PARD3B: variants seen among roughly 807,000 people sequenced by gnomAD.
PARD3B encodes par-3 family cell polarity regulator beta, also known as partitioning defective 3 homolog B.
Under a neutral mutation model 130.2 loss-of-function variants are expected in PARD3B, and 103 were observed. The observed-to-expected ratio is 0.79, with a 90% CI of 0.67 to 0.93. The LOEUF (loss-of-function observed/expected upper bound fraction) is 0.93. PARD3B is among the 40% of genes least tolerant of loss of function. The probability of loss-of-function intolerance (pLI) is 0.00; values close to 1 mark genes in which losing one functional copy is unlikely to be tolerated. For missense variants in PARD3B, 1,609 were observed against 1,499.2 expected (o/e 1.07, Z -1.21); for synonymous variants, 583 against 553.2 (o/e 1.05, Z -0.76).
At chr2:205,079,010 A>G (rs1300902735) in intron 4 of PARD3B, among the ~76,000 whole-genome samples, 3 of 152,202 alleles carry the variant, frequency 2.0e-5, no homozygotes, top group Admixed American at 6.5e-5. Context: ...GCCTTGTGAG[A>G]GACCCCAAGC....
chr2:204,680,064 T>C (rs1308028949), intron 1 of PARD3B, among the ~76,000 whole-genome samples: 1 of 152,102 alleles, frequency 6.6e-6, no homozygotes, highest in Non-Finnish European at 1.5e-5. Flanking sequence ...ATCAAATTTA[T>C]GCTATCTTTT....
chr2:205,259,492 T>A (rs2040218635), intron 16 of PARD3B, among the ~76,000 whole-genome samples: 1 of 152,144 alleles, frequency 6.6e-6, no homozygotes, highest in South Asian at 2.1e-4. Flanking sequence ...ACTCTTAAAT[T>A]CTCTTTGTCC....
At chr2:205,348,128 T>G (rs528711295) in intron 18 of PARD3B, 1 of 151,806 alleles carries the variant, frequency 6.6e-6, no homozygotes, top group Admixed American at 6.5e-5. Context: ...CTCAGAAGAG[T>G]GTGGACTCAA....
chr2:205,163,709 C>T (rs2034638664), intron 11 of PARD3B, among the ~76,000 whole-genome samples: 1 of 152,332 alleles, frequency 6.6e-6, no homozygotes, highest in East Asian at 1.9e-4. Context: ...ATCCAAACTA[C>T]TTAACTCCAG....
chr2:205,451,382 C>G (rs1239120525), intron 20 of PARD3B, among the ~76,000 whole-genome samples: 2 of 152,138 alleles, frequency 1.3e-5, no homozygotes, highest in African/African-American at 4.8e-5. Flanking sequence ...AATAGAATTT[C>G]AACTTTCCAG....
At chr2:204,658,089 T>C (rs1023165165) in intron 1 of PARD3B, among the ~76,000 whole-genome samples, 2 of 152,208 alleles carry the variant, frequency 1.3e-5, no homozygotes, top group African/African-American at 4.8e-5. Flanking sequence ...GGCTCTACTA[T>C]GGCAGATAAT....
intron 14 of PARD3B, among the ~76,000 whole-genome samples, chr2:205,188,484 A>G (rs1329977527): frequency 2.0e-5 from 3 of 152,224 alleles, no homozygotes; most frequent in Non-Finnish European, 4.4e-5. Context: ...AGAAGCCGCC[A>G]TAGACAAGGA....
intron 2 of PARD3B, among the ~76,000 whole-genome samples, chr2:204,919,442 T>C (rs924414605): frequency 2.0e-5 from 3 of 152,196 alleles, no homozygotes; most frequent in African/African-American, 7.2e-5. Context: ...CTGTTTTGAT[T>C]GTTTTCTACC....
rs143647526 is a variant in PARD3B at position 205,479,154 on chromosome 2, T to C, written c.3045-20742T>C. Among the ~76,000 whole-genome samples, 350 of 152,192 alleles carry C rather than the reference T, an allele frequency of 2.3e-3. 2 individuals are homozygous for C. The highest frequency in any genetic ancestry group is 7.7e-3 in the African/African-American group (320 of 41,560). On this transcript the variant is annotated intron_variant, in intron 20 of 22. Transcript: ENST00000406610. ...AGCTTATGTCCCTAGGAAAGAAAAATAGGAAAAAGAAAGTTCTCCAGGCAG... is the reference window on the plus strand; with the variant it reads ...AGCTTATGTCCCTAGGAAAGAAAAACAGGAAAAAGAAAGTTCTCCAGGCAG...
intron 3 of PARD3B, among the ~76,000 whole-genome samples, chr2:204,996,409 G>A (rs1435722185): frequency 3.3e-5 from 5 of 152,162 alleles, no homozygotes; most frequent in Non-Finnish European, 5.9e-5. Flanking sequence ...CAGGGGTCAG[G>A]GACCCACTTG....
chr2:205,370,122 G>T (rs1414281814), intron 18 of PARD3B, among the ~76,000 whole-genome samples: 1 of 152,142 alleles, frequency 6.6e-6, no homozygotes, highest in Non-Finnish European at 1.5e-5. Context: ...AAAAAGGCAG[G>T]AGTCACTTAG....
intron 1 of PARD3B, among the ~76,000 whole-genome samples, chr2:204,607,142 C>T (rs1224170190): frequency 6.6e-6 from 1 of 152,048 alleles, no homozygotes; most frequent in African/African-American, 2.4e-5. Context: ...ATTTAATGAT[C>T]TTAGCAAAAT....
chr2:205,397,305 C>T lies in PARD3B; in HGVS notation c.2631-3708C>T, dbSNP rs115555389. Among the ~76,000 whole-genome samples, 927 of 152,246 alleles carry T rather than the reference C, an allele frequency of 6.1e-3. 15 individuals are homozygous for T. Among genetic ancestry groups the T allele is most frequent in the African/African-American group, 0.021 (872 of 41,536 alleles). On this transcript the variant is annotated intron_variant, in intron 18 of 22. Coordinates refer to ENST00000406610, the MANE Select transcript of PARD3B (RefSeq NM_001302769.2). This position sits in a 1 kb window ranked among gnomAD's most constrained non-coding sequence, Gnocchi z 4.8. ...TGCCCTTCTTATTGGAAACTTGAAT[C>T]GAGGATCATGAACTTTAAATCAAAG...
At position 205,440,808 on chromosome 2, in the gene PARD3B, C is replaced by T. The variant is rs1438763595; in HGVS notation, c.3044+136C>T. On this transcript the variant is annotated intron_variant, in intron 20 of 22. Coordinates refer to ENST00000406610, the MANE Select transcript of PARD3B (RefSeq NM_001302769.2). This position sits in a 1 kb window ranked among gnomAD's most constrained non-coding sequence, Gnocchi z 4.2. ...AGTCAGTACCCTAGACAAGTGCCAT[C>T]CTTTGACCGACCTGTAAGATATCCA... 15 of 882,868 alleles carry T rather than the reference C, an allele frequency of 1.7e-5. No individual in the cohort carries two copies. Among genetic ancestry groups the T allele is most frequent in the Non-Finnish European group, 2.5e-5 (15 of 589,062 alleles). 54.7% of individuals were successfully genotyped at this position (882,868 alleles called of 1,614,324 possible).
Position 205,124,357 on chromosome 2 carries a change from C to T in PARD3B, c.1196C>T (p.Thr399Ile). Reference protein sequence around the residue: ...GPEGLGFTVVTRDSSIHGPGP... With the variant: ...GPEGLGFTVVIRDSSIHGPGP... Reference sequence around the variant, plus strand: ...GAAGGACTTGGTTTCACTGTGGTTACCAGAGACTCTTCCATACATGGTCCC... The same window carrying T: ...GAAGGACTTGGTTTCACTGTGGTTATCAGAGACTCTTCCATACATGGTCCC... The change falls in exon 9 of 23, where the codon ACC becomes ATC. Residue 399 changes from threonine to isoleucine, a missense_variant. Thr to Ile is a moderately conservative substitution (Grantham distance 89). Transcript: ENST00000406610. 1 of 1,591,502 alleles carries T rather than the reference C, an allele frequency of 6.3e-7. No homozygotes were observed. Among genetic ancestry groups the T allele is most frequent in the Non-Finnish European group, 8.6e-7 (1 of 1,167,818 alleles).
intron 1 of PARD3B, among the ~76,000 whole-genome samples, chr2:204,581,967 A>G (rs2032579664): frequency 6.6e-6 from 1 of 152,176 alleles, no homozygotes; most frequent in Admixed American, 6.5e-5. Flanking sequence ...TTTAAAGCAC[A>G]GTATAAGGTT....
intron 21 of PARD3B, among the ~76,000 whole-genome samples, chr2:205,505,973 T>C (rs1225736836): frequency 6.6e-6 from 1 of 152,034 alleles, no homozygotes; most frequent in East Asian, 1.9e-4. Flanking sequence ...TTTGTTTATA[T>C]ATGGAAAAAA....
At chr2:204,676,967 C>G (rs1033412003) in intron 1 of PARD3B, among the ~76,000 whole-genome samples, 1 of 152,174 alleles carries the variant, frequency 6.6e-6, no homozygotes, top group Non-Finnish European at 1.5e-5. Context: ...CGCACCCGGC[C>G]AAGATTGTTC....
At chr2:204,668,996 A>G (rs1179767036) in intron 1 of PARD3B, among the ~76,000 whole-genome samples, 1 of 152,148 alleles carries the variant, frequency 6.6e-6, no homozygotes, top group Non-Finnish European at 1.5e-5. Context: ...AGAAGGTAGA[A>G]AAAGCAAGTT....
Sources: allele counts gnomAD v4.1 joint callset (sites outside exome capture counted in the v4.1 genomes callset), GRCh38; gene constraint gnomAD v4.1.1; non-coding constraint Gnocchi (gnomAD v3.1); transcripts MANE v1.5; gene names NCBI Gene and HGNC (gene_info 2026-07-23, HGNC 2026-07-21).